Variants in ANKRD42 observed in about 807,000 individuals in gnomAD.
ANKRD42 encodes ankyrin repeat domain 42, also known as ankyrin repeat domain-containing protein 42.
ANKRD42 carries 43 observed loss-of-function variants against 51.5 expected under a neutral mutation model. That is an observed-to-expected ratio of 0.83 (90% CI 0.65 to 1.08). ANKRD42 has a LOEUF of 1.08. Among genes scored for constraint, ANKRD42 ranks in the 50% least tolerant of loss-of-function variants. The probability of loss-of-function intolerance (pLI) is 0.00; values close to 1 mark genes in which losing one functional copy is unlikely to be tolerated. For synonymous variants in ANKRD42, 203 were observed against 213.0 expected (o/e 0.95, Z 0.41); for missense variants, 608 against 629.3 (o/e 0.97, Z 0.36).
intron 5 of ANKRD42, chr11:83,212,797 C>T (rs1862375860): frequency 2.3e-5 from 35 of 1,492,050 alleles, no homozygotes; most frequent in East Asian, 1.7e-4. Context: ...TTCTGAAGGT[C>T]GTCTTTCAGT....
intron 5 of ANKRD42, among the ~76,000 whole-genome samples, chr11:83,217,008 C>T (rs555226730): frequency 7.0e-6 from 1 of 143,780 alleles, no homozygotes; most frequent in East Asian, 2.0e-4. Flanking sequence ...CGGAGACCAA[C>T]AGGTCAATCT....
chr11:83,195,833 C>T (rs1861626445), intron 1 of ANKRD42, among the ~76,000 whole-genome samples: 1 of 147,456 alleles, frequency 6.8e-6, no homozygotes. Context: ...TCTACCTACT[C>T]TCTCTCTCTC....
chr11:83,240,973 A>T, intron 9 of ANKRD42, 39 bp downstream of exon 9: 1 of 1,568,724 alleles, frequency 6.4e-7, no homozygotes, highest in Non-Finnish European at 8.6e-7. Context: ...TCCTTTCAGA[A>T]ATACCACAGC....
chr11:83,219,321 T>A (rs1862641568), intron 5 of ANKRD42, among the ~76,000 whole-genome samples: 1 of 152,186 alleles, frequency 6.6e-6, no homozygotes, highest in African/African-American at 2.4e-5. Flanking sequence ...ACTGTTGAAT[T>A]TATTGTGGTT....
intron 5 of ANKRD42, 58 bp from the exon 6 acceptor site, chr11:83,224,797 A>G: frequency 1.5e-6 from 2 of 1,337,006 alleles, no homozygotes; most frequent in South Asian, 1.6e-5. Flanking sequence ...ATACATACAT[A>G]CATACATAAA....
chr11:83,214,574 C>G (rs949693685), intron 5 of ANKRD42: 54 of 981,342 alleles, frequency 5.5e-5, no homozygotes, highest in Non-Finnish European at 6.3e-5. Context: ...GTTCAAATCG[C>G]TCTCATAAAA....
At chr11:83,204,949 A>G (rs1011429715) in intron 2 of ANKRD42, among the ~76,000 whole-genome samples, 1 of 152,156 alleles carries the variant, frequency 6.6e-6, no homozygotes, top group African/African-American at 2.4e-5. Context: ...GCAAATTAAG[A>G]CCACAATGAG....
At position 83,194,459 on chromosome 11, in the gene ANKRD42, G is replaced by T; in HGVS notation, c.-212G>T. 1 of 700,274 alleles carries T rather than the reference G, an allele frequency of 1.4e-6. No individual in the cohort carries two copies. Among genetic ancestry groups the T allele is most frequent in the South Asian group, 1.5e-5 (1 of 66,758 alleles). The allele number at this position is 700,274 out of a possible 1,614,324, so 43.4% of individuals were successfully genotyped here. A position where few individuals can be genotyped will look rare whatever the true frequency, so the allele number is the denominator to read the frequency against. On this transcript the variant is annotated 5_prime_UTR_variant, in exon 1 of 11. Transcript: ENST00000533342. ...AGCGGCAGTGAAGACGCCAGCTACC[G>T]CTTCAGTGGCTTTTGGGAGAGAGAA...
chr11:83,211,413 A>T lies in ANKRD42; in HGVS notation c.569A>T (p.Tyr190Phe). 6.2e-7 allele frequency: 1 copy of T among 1,614,154 alleles called. No homozygotes were observed. The highest frequency in any genetic ancestry group is 8.5e-7 in the Non-Finnish European group (1 of 1,180,010). Residue 190 changes from tyrosine (Y) to phenylalanine (F), a missense_variant, in exon 5 of 11, where the codon TAC becomes TTC. Transcript: ENST00000533342. ...GGTTGTAGCATAGAAGATGTGGACT[A>T]CAATGGAAACCTTCCAGGTATTTTA... ...KWGCSIEDVD[Y>F]NGNLPVHLAA... is the part of the protein sequence containing the mutation.
intron 5 of ANKRD42, among the ~76,000 whole-genome samples, chr11:83,212,209 C>T (rs939326124): frequency 6.6e-6 from 1 of 151,926 alleles, no homozygotes; most frequent in Non-Finnish European, 1.5e-5. Flanking sequence ...CAGCGTCCTT[C>T]GTAGCTGGGT....
In ANKRD42 at chr11:83,248,441, G is replaced by C; in HGVS notation, c.*237G>C. On this transcript the variant is annotated 3_prime_UTR_variant, in exon 11 of 11. Transcript: ENST00000533342. The stretch of plus-strand genomic sequence containing the variant: ...TTATTGTTAACATTGTACCATAGAA[G>C]GAGAAAATGTTTTCATAAGTAATCA... 1 of 1,185,984 alleles carries C rather than the reference G, an allele frequency of 8.4e-7. No homozygotes were observed. Among genetic ancestry groups the C allele is most frequent in the African/African-American group, 1.6e-5 (1 of 63,288 alleles). The allele number at this position is 1,185,984 out of a possible 1,614,324, so 73.5% of individuals were successfully genotyped here. A position where few individuals can be genotyped will look rare whatever the true frequency, so the allele number is the denominator to read the frequency against.
chr11:83,218,109 G>A (rs763954559), intron 5 of ANKRD42, among the ~76,000 whole-genome samples: 13 of 152,206 alleles, frequency 8.5e-5, no homozygotes, highest in Non-Finnish European at 1.8e-4. Context: ...TTAGGGAGGT[G>A]TGCTTTCTTA....
intron 8 of ANKRD42, 99 bp from the exon 9 acceptor site, chr11:83,240,660 G>T: frequency 7.7e-7 from 1 of 1,296,980 alleles, no homozygotes; most frequent in Non-Finnish European, 1.1e-6. Flanking sequence ...TGGATTGATG[G>T]CAGGGTGTAC....
At chr11:83,220,466 C>T (rs1421718097) in intron 5 of ANKRD42, among the ~76,000 whole-genome samples, 1 of 152,102 alleles carries the variant, frequency 6.6e-6, no homozygotes, top group East Asian at 1.9e-4. Context: ...AAATGTAATG[C>T]CTAAGGTTCT....
rs571402267 is a variant in ANKRD42, at chr11:83,193,785, C to G, written c.-886C>G. The G allele has an allele frequency of 8.0e-5, 36 of 451,474 alleles. No homozygotes were observed. Among genetic ancestry groups the G allele is most frequent in the Non-Finnish European group, 1.5e-4 (34 of 224,834 alleles). The allele number at this position is 451,474 out of a possible 1,614,324, so 28.0% of individuals were successfully genotyped here. A position where few individuals can be genotyped will look rare whatever the true frequency, so the allele number is the denominator to read the frequency against. Reference sequence around the variant, plus strand: ...GAGTCGGGAGGCTGGAAAGAGACTCCGAGAAAGTACCAGCGGAAGGCGGCC... The same window carrying G: ...GAGTCGGGAGGCTGGAAAGAGACTCGGAGAAAGTACCAGCGGAAGGCGGCC... On this transcript the variant is annotated 5_prime_UTR_variant, in exon 1 of 11. Transcript: ENST00000533342.
chr11:83,234,138 T>G (rs190299840), intron 7 of ANKRD42, among the ~76,000 whole-genome samples: 3 of 152,258 alleles, frequency 2.0e-5, no homozygotes, highest in Non-Finnish European at 4.4e-5. Flanking sequence ...AACTTCCTTC[T>G]TAATTTTTTC....
chr11:83,237,124 G>A (rs1863247497), intron 8 of ANKRD42, among the ~76,000 whole-genome samples: 1 of 152,106 alleles, frequency 6.6e-6, no homozygotes, highest in African/African-American at 2.4e-5. Flanking sequence ...TGTGATTAGT[G>A]GTAGAAATAC....
chr11:83,255,332 C>A (rs968907087), intron 11 of ANKRD42, among the ~76,000 whole-genome samples: 1 of 152,090 alleles, frequency 6.6e-6, no homozygotes, highest in East Asian at 1.9e-4. Context: ...TATTTAGAAA[C>A]AGTGAGACCA....
downstream of ANKRD42, among the ~76,000 whole-genome samples, chr11:83,251,515 TA>T (rs1409297324): frequency 2.6e-5 from 4 of 152,114 alleles, no homozygotes; most frequent in African/African-American, 9.7e-5. Context: ...TCAGATAAAA[TA>T]AACAATTTAT....
Sources: gnomAD v4.1 joint callset for allele counts (sites outside exome capture counted in the v4.1 genomes callset) on GRCh38, gnomAD v4.1.1 for gene constraint, MANE v1.5 for transcripts, NCBI Gene and HGNC (gene_info 2026-07-23, HGNC 2026-07-21) for gene names.